Variants in TMEM132C observed in about 807,000 individuals in gnomAD.
TMEM132C encodes transmembrane protein 132C, also known as protein phosphatase 1, regulatory subunit 152.
TMEM132C carries 29 observed loss-of-function variants against 61.4 expected under a neutral mutation model. The ratio of observed to expected loss-of-function variants is 0.47; its 90% confidence interval spans 0.35 to 0.64. The LOEUF (loss-of-function observed/expected upper bound fraction) is 0.64. TMEM132C is among the 30% of genes least tolerant of loss of function. The pLI, the probability that TMEM132C is intolerant of heterozygous loss-of-function variation, is 0.00. For missense variants in TMEM132C, 1,408 were observed against 1,476.9 expected (o/e 0.95, Z 0.76); for synonymous variants, 656 against 633.1 (o/e 1.04, Z -0.54).
At chr12:128,323,051 T>A (rs952763088) in intron 1 of TMEM132C, among the ~76,000 whole-genome samples, 1 of 152,232 alleles carries the variant, frequency 6.6e-6, no homozygotes, top group Non-Finnish European at 1.5e-5. Context: ...GTGTGTCATA[T>A]TCTGGTGGAG....
At chr12:128,331,562 C>T (rs1034681126) in intron 1 of TMEM132C, among the ~76,000 whole-genome samples, 1 of 152,186 alleles carries the variant, frequency 6.6e-6, no homozygotes, top group African/African-American at 2.4e-5. Flanking sequence ...ATAATGTCCT[C>T]CAGTTCCATC....
chr12:128,626,634 A>G (rs979632526), intron 4 of TMEM132C, among the ~76,000 whole-genome samples: 1 of 151,522 alleles, frequency 6.6e-6, no homozygotes, highest in Non-Finnish European at 1.5e-5. Flanking sequence ...TAACAGAGAC[A>G]AGGTTTCACC....
Position 128,705,342 on chromosome 12 carries a change from G to A in TMEM132C, c.2374G>A (p.Val792Ile), listed in dbSNP as rs545600869. Residue 792 changes from valine (V) to isoleucine (I), a missense_variant, in exon 9 of 9, where the codon GTC becomes ATC. Val to Ile is a conservative substitution (Grantham distance 29). Transcript: ENST00000435159. Reference sequence around the variant, plus strand: ...ACGCAAGAGCATCCTGGCTGTGGGCGTCGGCAACGTCAGGGTCAAGTTCGG... The same window carrying A: ...ACGCAAGAGCATCCTGGCTGTGGGCATCGGCAACGTCAGGGTCAAGTTCGG... ...SKRKSILAVG[V>I]GNVRVKFGQN... is the part of the protein sequence containing the mutation. The A allele has an allele frequency of 5.3e-5, 83 of 1,551,420 alleles. No homozygotes were observed. In the African/African-American group the frequency reaches 8.2e-4, roughly 15 times the overall value.
chr12:128,371,577 G>A (rs1874029365), intron 1 of TMEM132C, among the ~76,000 whole-genome samples: 1 of 152,122 alleles, frequency 6.6e-6, no homozygotes, highest in Admixed American at 6.6e-5. Context: ...GTGTATGTAT[G>A]TATTTATTCA....
chr12:128,550,038 A>G (rs1874111435), intron 3 of TMEM132C, among the ~76,000 whole-genome samples: 1 of 152,202 alleles, frequency 6.6e-6, no homozygotes, highest in African/African-American at 2.4e-5. Flanking sequence ...GTTCCCGTTA[A>G]ATCTCTTTCA....
intron 3 of TMEM132C, among the ~76,000 whole-genome samples, chr12:128,560,859 G>A (rs1483452303): frequency 3.3e-5 from 5 of 152,220 alleles, no homozygotes; most frequent in Admixed American, 6.5e-5. Flanking sequence ...CCCTCGTGTT[G>A]AGAGTATGAA....
chr12:128,297,870 A>G (rs1045508914), intron 1 of TMEM132C, among the ~76,000 whole-genome samples: 11 of 152,236 alleles, frequency 7.2e-5, no homozygotes, highest in Non-Finnish European at 1.5e-4. Context: ...ACAATTCACA[A>G]TTAAAATAGT....
At chr12:128,315,454 A>AGC (rs1402059456) in intron 1 of TMEM132C, among the ~76,000 whole-genome samples, 28 of 152,246 alleles carry the variant, frequency 1.8e-4, no homozygotes, top group African/African-American at 5.5e-4. Context: ...AAACCGCGCC[A>AGC]TTTCAGATGA....
At chr12:128,327,791 T>A (rs901263212) in intron 1 of TMEM132C, among the ~76,000 whole-genome samples, 3 of 152,128 alleles carry the variant, frequency 2.0e-5, no homozygotes, top group Non-Finnish European at 4.4e-5. Context: ...GGCAGGGGGC[T>A]TCCAGGTTAT....
At chr12:128,560,921 A>T (rs1317415658) in intron 3 of TMEM132C, among the ~76,000 whole-genome samples, 1 of 152,196 alleles carries the variant, frequency 6.6e-6, no homozygotes, top group Non-Finnish European at 1.5e-5. Context: ...ATTGAATTAG[A>T]GCCTGTTGTC....
rs1259248769 is a variant in TMEM132C, at chr12:128,706,133, A to G, written c.3165A>G (p.Lys1055=). The G allele has an allele frequency of 1.9e-6, 3 of 1,551,706 alleles. No individual in the cohort carries two copies. In the Admixed American group the frequency reaches 5.9e-5, roughly 30 times the overall value. The change falls in exon 9 of 9, where the codon AAA becomes AAG. Residue 1055 remains lysine (K), a synonymous_variant. Transcript: ENST00000435159. ...CCACCTCCAAGAGGAAGAAGGTGAA[A>G]TTTACCACCTTTACCACCATCCCCC... The part of the protein sequence containing the change: ...HSPTSKRKKV[K]FTTFTTIPPD...
chr12:128,503,045 T>C (rs1176568895), intron 2 of TMEM132C, among the ~76,000 whole-genome samples: 3 of 152,232 alleles, frequency 2.0e-5, no homozygotes, highest in Admixed American at 2.0e-4. Context: ...AAGGCTAAAA[T>C]GTGTCTCATT....
intron 5 of TMEM132C, among the ~76,000 whole-genome samples, chr12:128,691,477 C>A (rs1954718769): frequency 1.3e-5 from 2 of 152,204 alleles, no homozygotes; most frequent in Admixed American, 6.5e-5. Flanking sequence ...ATCTGTCTAT[C>A]CATCTGTCCA....
intron 1 of TMEM132C, among the ~76,000 whole-genome samples, chr12:128,298,675 C>G (rs570028596): frequency 6.6e-6 from 1 of 152,220 alleles, no homozygotes; most frequent in Non-Finnish European, 1.5e-5. Context: ...TCTGTATCCT[C>G]ACAGGAAGAC....
At chr12:128,316,451 G>C (rs1872156485) in intron 1 of TMEM132C, among the ~76,000 whole-genome samples, 1 of 152,176 alleles carries the variant, frequency 6.6e-6, no homozygotes, top group South Asian at 2.1e-4. Flanking sequence ...TTCCATTCCT[G>C]GGAAGGGATG....
chr12:128,670,610 AT>A (rs1566010315), intron 5 of TMEM132C, among the ~76,000 whole-genome samples: 1 of 151,612 alleles, frequency 6.6e-6, no homozygotes, highest in African/African-American at 2.4e-5. Flanking sequence ...GGATTTCTTT[AT>A]TTTTTTAAGG....
chr12:128,373,029 C>T (rs897203138), intron 1 of TMEM132C, among the ~76,000 whole-genome samples: 1 of 152,172 alleles, frequency 6.6e-6, no homozygotes, highest in African/African-American at 2.4e-5. Flanking sequence ...TTAGACCAGT[C>T]AGGACTGCTT....
intron 1 of TMEM132C, among the ~76,000 whole-genome samples, chr12:128,341,428 A>G (rs2135954756): frequency 6.6e-6 from 1 of 152,366 alleles, no homozygotes; most frequent in South Asian, 2.1e-4. Flanking sequence ...CTAATCATTT[A>G]TCTCCCAAGG....
intron 3 of TMEM132C, among the ~76,000 whole-genome samples, chr12:128,602,329 C>T (rs1876224577): frequency 6.6e-6 from 1 of 152,238 alleles, no homozygotes; most frequent in African/African-American, 2.4e-5. Flanking sequence ...ACAGGCATTG[C>T]ACTTGGTGTC....
Sources: allele counts gnomAD v4.1 joint callset (sites outside exome capture counted in the v4.1 genomes callset), GRCh38; gene constraint gnomAD v4.1.1; transcripts MANE v1.5; gene names NCBI Gene and HGNC (gene_info 2026-07-23, HGNC 2026-07-21).